KHDRBS2: variants seen among roughly 807,000 people sequenced by gnomAD.
The protein encoded by KHDRBS2 is KH RNA binding domain containing, signal transduction associated 2.
KHDRBS2 carries 26 observed loss-of-function variants against 44.3 expected under a neutral mutation model. The observed-to-expected ratio is 0.59, with a 90% CI of 0.43 to 0.81. The LOEUF is 0.81. Ranked by LOEUF, KHDRBS2 falls within the 40% of genes least tolerant of loss-of-function variation. The pLI is 0.00. For synonymous variants in KHDRBS2, 194 were observed against 151.1 expected, an observed-to-expected ratio of 1.28 and a Z score of -2.08; for missense variants, 476 against 433.1, an observed-to-expected ratio of 1.10 and a Z score of -0.88.
intron 2 of KHDRBS2, among the ~76,000 whole-genome samples, chr6:62,080,158 C>T (rs1008378688): frequency 3.3e-5 from 5 of 151,982 alleles, no homozygotes; most frequent in African/African-American, 1.2e-4. Flanking sequence ...GACATGTTAC[C>T]TAAGGCAGTT....
intron 2 of KHDRBS2, among the ~76,000 whole-genome samples, chr6:62,090,371 C>T (rs1799266381): frequency 1.3e-5 from 2 of 152,084 alleles, no homozygotes; most frequent in Admixed American, 1.3e-4. Context: ...AATTAATACT[C>T]ATTATCAACT....
chr6:62,116,054 A>G (rs1176531937), intron 2 of KHDRBS2, among the ~76,000 whole-genome samples: 1 of 152,056 alleles, frequency 6.6e-6, no homozygotes, highest in Non-Finnish European at 1.5e-5. Flanking sequence ...CAGATATTTC[A>G]TCATCAAAAT....
chr6:61,916,810 A>T lies in KHDRBS2; in HGVS notation c.484-15439T>A, dbSNP rs118072325. 8.8e-4 allele frequency among the ~76,000 whole-genome samples: 134 copies of T among 152,030 alleles called. 2 individuals are homozygous for T. In the East Asian group the frequency reaches 0.024, roughly 28 times the overall value. On this transcript the variant is annotated intron_variant, in intron 4 of 8. Transcript: ENST00000281156. ...ATTAGGTCAGACAAATAGGTCAGGCAAGTAAGTGTATGAAAAGATGCTCAA... is the reference window on the plus strand; with the variant it reads ...ATTAGGTCAGACAAATAGGTCAGGCTAGTAAGTGTATGAAAAGATGCTCAA...
intron 8 of KHDRBS2, among the ~76,000 whole-genome samples, chr6:61,691,049 G>A (rs1398266764): frequency 1.3e-5 from 2 of 151,988 alleles, no homozygotes; most frequent in Non-Finnish European, 2.9e-5. Flanking sequence ...CAAAGGTTGT[G>A]ATAGATCCAG....
intron 6 of KHDRBS2, among the ~76,000 whole-genome samples, chr6:61,849,659 C>G (rs187624104): frequency 1.6e-4 from 24 of 148,368 alleles, no homozygotes; most frequent in Admixed American, 1.2e-3. Context: ...TAAACTAAAT[C>G]TTTCCCAAAG....
intron 7 of KHDRBS2, among the ~76,000 whole-genome samples, chr6:61,722,550 T>C (rs942204701): frequency 6.6e-5 from 10 of 152,282 alleles, no homozygotes; most frequent in African/African-American, 2.4e-4. Flanking sequence ...CCATTTTCTC[T>C]AAATATTTTT....
chr6:62,049,363 C>T (rs576630473), intron 2 of KHDRBS2, among the ~76,000 whole-genome samples: 1 of 151,802 alleles, frequency 6.6e-6, no homozygotes, highest in African/African-American at 2.4e-5. Context: ...GTAGGCAAAC[C>T]TTATTTTGAG....
intron 7 of KHDRBS2, among the ~76,000 whole-genome samples, chr6:61,705,622 A>C (rs971230566): frequency 1.4e-4 from 22 of 151,844 alleles, no homozygotes; most frequent in Admixed American, 3.3e-4. Flanking sequence ...ACCAGACTTA[A>C]AAAATGGGTA....
At chr6:61,571,365 A>G in the KHDRBS2 span, among the ~76,000 whole-genome samples, 2 of 152,130 alleles carry the variant, frequency 1.3e-5, no homozygotes, top group Admixed American at 6.5e-5. Context: ...TCAACAGGAA[A>G]AGATCACAAT....
chr6:61,828,203 A>G (rs1229990332), intron 6 of KHDRBS2, among the ~76,000 whole-genome samples: 1 of 152,212 alleles, frequency 6.6e-6, no homozygotes, highest in South Asian at 2.1e-4. Flanking sequence ...ATCTCTGATC[A>G]ATGGATTCAA....
chr6:61,596,900 T>C, the KHDRBS2 span, among the ~76,000 whole-genome samples: 1 of 152,078 alleles, frequency 6.6e-6, no homozygotes, highest in Non-Finnish European at 1.5e-5. Flanking sequence ...TCCACCTGCC[T>C]CAACCTCCCA....
the KHDRBS2 span, among the ~76,000 whole-genome samples, chr6:61,578,961 T>C: frequency 6.6e-6 from 1 of 152,252 alleles, no homozygotes; most frequent in African/African-American, 2.4e-5. Flanking sequence ...AGTTTGGTAA[T>C]AGTTTTATCC....
the KHDRBS2 span, among the ~76,000 whole-genome samples, chr6:61,559,923 G>A: frequency 6.6e-6 from 1 of 152,026 alleles, no homozygotes; most frequent in Admixed American, 6.6e-5. Context: ...ATTTTCAGAT[G>A]ATTTCTTATT....
chr6:61,718,168 T>C (rs1771754645), intron 7 of KHDRBS2, among the ~76,000 whole-genome samples: 2 of 152,028 alleles, frequency 1.3e-5, no homozygotes, highest in Admixed American at 1.3e-4. Context: ...TATTATAAAC[T>C]GATAGCTCCA....
At chr6:61,948,246 T>G (rs1000360478) in intron 4 of KHDRBS2, among the ~76,000 whole-genome samples, 10 of 152,134 alleles carry the variant, frequency 6.6e-5, no homozygotes, top group Non-Finnish European at 1.3e-4. Context: ...TGAATGTAGC[T>G]AAGTAAGTGG....
At chr6:61,555,768 G>T in the KHDRBS2 span, among the ~76,000 whole-genome samples, 1 of 152,098 alleles carries the variant, frequency 6.6e-6, no homozygotes, top group Non-Finnish European at 1.5e-5. Flanking sequence ...TTCACTTCTG[G>T]TAGATTGTTT....
intron 1 of KHDRBS2, among the ~76,000 whole-genome samples, chr6:62,178,576 A>G (rs1821615258): frequency 6.6e-6 from 1 of 151,602 alleles, no homozygotes; most frequent in Non-Finnish European, 1.5e-5. Context: ...ACATTTGTCT[A>G]GTTGAGAAAC....
In KHDRBS2 at chr6:62,011,588, C is replaced by T. The variant is rs61164112; in HGVS notation, c.337-33376G>A. 3.7e-3 allele frequency among the ~76,000 whole-genome samples: 559 copies of T among 152,202 alleles called. 2 individuals are homozygous for T. Among genetic ancestry groups the T allele is most frequent in the African/African-American group, 0.013 (521 of 41,528 alleles). On this transcript the variant is annotated intron_variant, in intron 3 of 8. Transcript: ENST00000281156. ...CAAGATTTATGTCAAATGCATTAGA[C>T]GGTATCTACTTTCACACCGGGATCA...
chr6:61,768,789 A>G (rs9342281), intron 6 of KHDRBS2, among the ~76,000 whole-genome samples: 116,942 of 151,740 alleles, frequency 0.77, 45,781 homozygotes, highest in African/African-American at 0.9. Context: ...ATGTTGCAAC[A>G]AGGAACTCCG....
Sources: allele counts gnomAD v4.1 joint callset (sites outside exome capture counted in the v4.1 genomes callset), GRCh38; gene constraint gnomAD v4.1.1; transcripts MANE v1.5; gene names NCBI Gene and HGNC (gene_info 2026-07-23, HGNC 2026-07-21).